The following TAFA2 variants were observed in gnomAD, a reference collection of about 807,000 sequenced individuals.
TAFA2 encodes the protein chemokine-like protein TAFA-2.
TAFA2 carries 7 observed loss-of-function variants against 18.8 expected under a neutral mutation model. The observed-to-expected ratio is 0.37, with a 90% CI of 0.21 to 0.70. The LOEUF is 0.70. Ranked by LOEUF, TAFA2 falls within the 30% of genes least tolerant of loss-of-function variation. The probability of loss-of-function intolerance (pLI) is 0.53; values close to 1 mark genes in which losing one functional copy is unlikely to be tolerated. For synonymous variants in TAFA2, 60 were observed against 54.2 expected (o/e 1.11, Z -0.47); for missense variants, 122 against 158.1 (o/e 0.77, Z 1.23).
At chr12:62,140,873 A>C (rs2062235016) in intron 1 of TAFA2, among the ~76,000 whole-genome samples, 1 of 152,162 alleles carries the variant, frequency 6.6e-6, no homozygotes, top group Non-Finnish European at 1.5e-5. Flanking sequence ...AAAAGTTAGC[A>C]CATGGGGTCA....
intron 2 of TAFA2, among the ~76,000 whole-genome samples, chr12:61,844,516 A>G (rs1162770831): frequency 6.6e-6 from 1 of 152,118 alleles, no homozygotes; most frequent in Non-Finnish European, 1.5e-5. Flanking sequence ...GCCAAGATTA[A>G]GGTCTTAGTT....
intron 1 of TAFA2, among the ~76,000 whole-genome samples, chr12:62,165,939 TCA>T (rs34593506): frequency 0.19 from 25,863 of 138,622 alleles, 2,444 homozygotes; most frequent in African/African-American, 0.27. Flanking sequence ...TCTCTCTCTC[TCA>T]CACACACACA....
At chr12:61,772,837 A>T (rs1407619299) in intron 2 of TAFA2, among the ~76,000 whole-genome samples, 1 of 152,006 alleles carries the variant, frequency 6.6e-6, no homozygotes, top group East Asian at 1.9e-4. Context: ...TCTATTCAAC[A>T]TAGTACTGGA....
chr12:61,861,259 T>TTC (rs1874116451), intron 2 of TAFA2, among the ~76,000 whole-genome samples: 1 of 146,908 alleles, frequency 6.8e-6, no homozygotes, highest in African/African-American at 2.5e-5. Context: ...GCCTCGCCTT[T>TTC]TTTTTTTTTT....
intron 2 of TAFA2, among the ~76,000 whole-genome samples, chr12:61,796,926 C>A (rs1411594103): frequency 6.6e-6 from 1 of 152,158 alleles, no homozygotes; most frequent in South Asian, 2.1e-4. Context: ...AAACATCTAA[C>A]AACTAGCAAG....
chr12:62,133,156 C>T (rs111930124), intron 1 of TAFA2, among the ~76,000 whole-genome samples: 2,770 of 152,092 alleles, frequency 0.018, 101 homozygotes, highest in African/African-American at 0.064. Flanking sequence ...CACAAAATTC[C>T]ATGTGCATCT....
intron 2 of TAFA2, among the ~76,000 whole-genome samples, chr12:61,814,760 A>G (rs192327373): frequency 6.6e-6 from 1 of 151,442 alleles, no homozygotes; most frequent in East Asian, 1.9e-4. Context: ...ATAAGAGCAA[A>G]ATAGGAGGGT....
At chr12:62,124,311 A>G (rs1471406060) in intron 1 of TAFA2, among the ~76,000 whole-genome samples, 3 of 152,078 alleles carry the variant, frequency 2.0e-5, no homozygotes, top group Non-Finnish European at 4.4e-5. Context: ...TAAAAAAAAA[A>G]GGGAGTTAAG....
rs183178915 is a variant in TAFA2, at chr12:61,891,036, C to T, written c.-1-23610G>A. Among the ~76,000 whole-genome samples, 41 of 152,212 alleles carry T rather than the reference C, an allele frequency of 2.7e-4. No homozygotes were observed. In the East Asian group the frequency reaches 6.8e-3, roughly 25 times the overall value. ...ATGTCAGGAAATATGTTTTGAGTACCTACTGTGTTCTATTTCTGGAGCTAT... is the reference window on the plus strand; with the variant it reads ...ATGTCAGGAAATATGTTTTGAGTACTTACTGTGTTCTATTTCTGGAGCTAT... On this transcript the variant is annotated intron_variant, in intron 1 of 4. Transcript: ENST00000416284.
chr12:62,174,887 G>C (rs1442518572), intron 1 of TAFA2, among the ~76,000 whole-genome samples: 1 of 152,126 alleles, frequency 6.6e-6, no homozygotes, highest in Non-Finnish European at 1.5e-5. Flanking sequence ...ATAATTTGCA[G>C]ATCTATTTGT....
intron 2 of TAFA2, among the ~76,000 whole-genome samples, chr12:61,783,899 T>C (rs1870613638): frequency 6.6e-6 from 1 of 151,588 alleles, no homozygotes; most frequent in Non-Finnish European, 1.5e-5. Context: ...CTTTTACTAA[T>C]AGCTTATTTA....
At chr12:61,898,356 G>C (rs1449625525) in intron 1 of TAFA2, among the ~76,000 whole-genome samples, 1 of 152,194 alleles carries the variant, frequency 6.6e-6, no homozygotes, top group Non-Finnish European at 1.5e-5. Flanking sequence ...TCTGTGTAGG[G>C]GCTCCAACCC....
intron 2 of TAFA2, 79 bp downstream of exon 2, chr12:61,867,241 G>A: frequency 3.3e-6 from 3 of 918,086 alleles, no homozygotes; most frequent in South Asian, 1.5e-5. Flanking sequence ...TAACAGACCA[G>A]TGGAGGCAAA....
At chr12:61,809,557 C>G (rs1186180926) in intron 2 of TAFA2, among the ~76,000 whole-genome samples, 2 of 151,012 alleles carry the variant, frequency 1.3e-5, no homozygotes, top group African/African-American at 2.5e-5. Context: ...ACTGAAAGAA[C>G]AGAACAGGCA....
intron 4 of TAFA2, among the ~76,000 whole-genome samples, chr12:61,749,262 G>A (rs1427416515): frequency 6.6e-6 from 1 of 152,000 alleles, no homozygotes; most frequent in African/African-American, 2.4e-5. Flanking sequence ...AGCAGAGTAA[G>A]ACTTTGTCTC....
chr12:61,919,819 G>A (rs1023103710), intron 1 of TAFA2, among the ~76,000 whole-genome samples: 5 of 151,996 alleles, frequency 3.3e-5, no homozygotes, highest in African/African-American at 4.8e-5. Context: ...ATAAGAGTAA[G>A]AAGGAAGTAG....
intron 1 of TAFA2, among the ~76,000 whole-genome samples, chr12:61,991,297 A>G (rs996455472): frequency 6.6e-6 from 1 of 152,222 alleles, no homozygotes; most frequent in Non-Finnish European, 1.5e-5. Flanking sequence ...CTACCTAAAG[A>G]TGAGCTATTT....
intron 2 of TAFA2, among the ~76,000 whole-genome samples, chr12:61,772,332 T>C (rs1040715161): frequency 6.6e-6 from 1 of 151,998 alleles, no homozygotes; most frequent in African/African-American, 2.4e-5. Flanking sequence ...CTATTCACAC[T>C]ATTCCAAAAC....
intron 2 of TAFA2, among the ~76,000 whole-genome samples, chr12:61,794,828 C>T (rs12425838): frequency 0.11 from 17,297 of 152,066 alleles, 1,157 homozygotes; most frequent in East Asian, 0.19. Flanking sequence ...GCAATCTACT[C>T]ATCTGACAAA....
Sources: allele counts gnomAD v4.1 joint callset (sites outside exome capture counted in the v4.1 genomes callset), GRCh38; gene constraint gnomAD v4.1.1; transcripts MANE v1.5; gene names NCBI Gene and HGNC (gene_info 2026-07-23, HGNC 2026-07-21).